The following PABPC1L variants were observed in gnomAD, a reference collection of about 807,000 sequenced individuals.
The protein encoded by PABPC1L is poly(A) binding protein cytoplasmic 1 like, also known as polyadenylate-binding protein 1-like.
A neutral mutation model predicts 66.6 loss-of-function variants in PABPC1L; 31 were observed. The observed-to-expected ratio is 0.47, with a 90% confidence interval of 0.35 to 0.63. PABPC1L has a LOEUF of 0.63. Ranked by LOEUF, PABPC1L falls within the 20% of genes least tolerant of loss-of-function variation. The pLI is 0.00. For synonymous variants in PABPC1L, 348 were observed against 335.1 expected, an observed-to-expected ratio of 1.04 and a Z score of -0.42; for missense variants, 722 against 848.8, an observed-to-expected ratio of 0.85 and a Z score of 1.86.
intron 10 of PABPC1L, among the ~76,000 whole-genome samples, chr20:44,934,716 A>G (rs2066887093): frequency 6.6e-6 from 1 of 152,200 alleles, no homozygotes; most frequent in African/African-American, 2.4e-5. Context: ...TTACTTATTC[A>G]TTCATCTATC....
At chr20:44,936,060 A>C (rs2066898478) in intron 11 of PABPC1L, among the ~76,000 whole-genome samples, 1 of 151,474 alleles carries the variant, frequency 6.6e-6, no homozygotes, top group Non-Finnish European at 1.5e-5. Flanking sequence ...GCAGCCTTGA[A>C]CTCCTAGGCT....
intron 5 of PABPC1L, among the ~76,000 whole-genome samples, chr20:44,919,689 T>G (rs1248250388): frequency 1.3e-5 from 2 of 152,156 alleles, no homozygotes; most frequent in Non-Finnish European, 2.9e-5. Context: ...CTGTCTCTAA[T>G]TTTTTAAAAA....
At chr20:44,918,708 C>T (rs1296551482) in intron 3 of PABPC1L, among the ~76,000 whole-genome samples, 198 bp from the exon 4 acceptor site, 1 of 152,192 alleles carries the variant, frequency 6.6e-6, no homozygotes, top group Non-Finnish European at 1.5e-5. Context: ...TGGGGACAAG[C>T]TCTGGAACAT....
chr20:44,910,411 C>T, intron 1 of PABPC1L, 75 bp downstream of exon 1: 1 of 1,400,828 alleles, frequency 7.1e-7, no homozygotes, highest in South Asian at 1.5e-5. Flanking sequence ...CGGAACTGGG[C>T]CGCTTGCGCT....
chr20:44,910,209 G>T lies in PABPC1L; in HGVS notation c.66G>T (p.Val22=). ...SLYVGDLHPD[V]TEAMLYEKFS... The stretch of plus-strand genomic sequence containing the variant: ...ACGTGGGCGATCTGCACCCCGACGT[G>T]ACCGAGGCCATGCTCTATGAGAAGT... Residue 22 remains valine, a synonymous_variant, in exon 1 of 15, where the codon GTG becomes GTT. Coordinates refer to ENST00000217073, the MANE Select transcript of PABPC1L (RefSeq NM_001372179.1). 2 of 1,580,232 alleles carry T rather than the reference G, an allele frequency of 1.3e-6. No individual in the cohort carries two copies. Among genetic ancestry groups the T allele is most frequent in the Non-Finnish European group, 1.7e-6 (2 of 1,163,376 alleles).
In PABPC1L at chr20:44,923,316, T is replaced by TTG. The variant is rs2066786722; in HGVS notation, c.877-842_877-841dup. 2.6e-5 allele frequency among the ~76,000 whole-genome samples: 4 copies of TTG among 152,076 alleles called. No homozygotes were observed. In the South Asian group the frequency reaches 8.3e-4, roughly 32 times the overall value. On this transcript the variant is annotated intron_variant, in intron 6 of 14. Coordinates refer to ENST00000217073, the MANE Select transcript of PABPC1L (RefSeq NM_001372179.1). The stretch of plus-strand genomic sequence containing the variant: ...TAAAAGTTTTCTTCACGCAGGGTTG[T>TTG]TGTGAGGATTAAAAATCAAAACGTG...
intron 5 of PABPC1L, among the ~76,000 whole-genome samples, chr20:44,920,629 C>T (rs150973196): frequency 0.021 from 3,184 of 150,234 alleles, 122 homozygotes; most frequent in African/African-American, 0.073. Flanking sequence ...CCACCATGCC[C>T]GGCTAATTTT....
At position 44,921,611 on chromosome 20, in the gene PABPC1L, C is replaced by T. The variant is rs368726192; in HGVS notation, c.756C>T (p.Asn252=). Residue 252 remains asparagine (N), a synonymous_variant, in exon 6 of 15, where the codon AAC becomes AAT. Transcript: ENST00000217073. ...TTCCCCAGGCCGTGGTCCATATGAA[C>T]GGGAAGGAGGTGAGCGGGCGGCTGC... ...EEAQKAVVHM[N]GKEVSGRLLY... The T allele has an allele frequency of 5.3e-5, 86 of 1,613,904 alleles. No homozygotes were observed. The highest frequency in any genetic ancestry group is 4.0e-4 in the East Asian group (18 of 44,824).
rs775395323 is a variant in PABPC1L, at chr20:44,930,443, T to G, written c.973-17T>G. 1.2e-6 allele frequency: 2 copies of G among 1,605,804 alleles called. No homozygotes were observed. Among genetic ancestry groups the G allele is most frequent in the African/African-American group, 2.7e-5 (2 of 74,810 alleles). The stretch of plus-strand genomic sequence containing the variant: ...TCCTTCCCCACCCCAGCAGCTCTTG[T>G]CTTGTCTTGCTTTTAGGTGATGACA... On this transcript the variant is annotated splice_polypyrimidine_tract_variant and intron_variant, in intron 7 of 14. Transcript: ENST00000217073.
At chr20:44,912,178 C>A (rs887347242) in intron 1 of PABPC1L, among the ~76,000 whole-genome samples, 1 of 152,104 alleles carries the variant, frequency 6.6e-6, no homozygotes, top group African/African-American at 2.4e-5. Context: ...AGGTAATGTC[C>A]ACTTTCCCCA....
At chr20:44,937,836 C>G (rs2066913124) in intron 12 of PABPC1L, 1 of 540,130 alleles carries the variant, frequency 1.9e-6, no homozygotes, top group Non-Finnish European at 3.1e-6. Context: ...GCACCCAGTC[C>G]TGGCTGGGCC....
At chr20:44,926,337 C>T (rs1396636769) in intron 7 of PABPC1L, among the ~76,000 whole-genome samples, 1 of 152,018 alleles carries the variant, frequency 6.6e-6, no homozygotes, top group Non-Finnish European at 1.5e-5. Flanking sequence ...AGTGATTCTT[C>T]TCCCTCAGCC....
intron 1 of PABPC1L, among the ~76,000 whole-genome samples, chr20:44,911,745 C>A (rs1685699670): frequency 1.3e-5 from 2 of 152,210 alleles, no homozygotes; most frequent in Admixed American, 1.3e-4. Context: ...TTCCCATCTT[C>A]CTCCAAGCCC....
chr20:44,932,127 C>G, intron 8 of PABPC1L: 1 of 392,032 alleles, frequency 2.6e-6, no homozygotes. Context: ...GACAGGGAGC[C>G]AAGATTGAAA....
At chr20:44,914,047 G>A (rs2066721990) in intron 2 of PABPC1L, among the ~76,000 whole-genome samples, 2 of 152,106 alleles carry the variant, frequency 1.3e-5, no homozygotes, top group South Asian at 4.1e-4. Context: ...AGGATCAGCG[G>A]CCATATAGCA....
chr20:44,932,235 C>A, intron 8 of PABPC1L, 107 bp from the exon 9 acceptor site: 1 of 770,336 alleles, frequency 1.3e-6, no homozygotes, highest in Non-Finnish European at 2.0e-6. Flanking sequence ...ACTCACCAGT[C>A]CCTGCAGGAG....
chr20:44,914,999 G>A (rs1307284305), intron 2 of PABPC1L, among the ~76,000 whole-genome samples: 4 of 152,206 alleles, frequency 2.6e-5, no homozygotes, highest in Non-Finnish European at 4.4e-5. Context: ...CCCTTAGCAG[G>A]TTCTTGACCC....
rs533336035 is a variant in PABPC1L, at chr20:44,919,694, T to A, written c.738+417T>A. On this transcript the variant is annotated intron_variant, in intron 5 of 14. Coordinates refer to ENST00000217073, the MANE Select transcript of PABPC1L (RefSeq NM_001372179.1). ...TAGCAAGACCCTGTCTCTAATTTTT[T>A]AAAAACTCTCCAGATGTGATGGCTC... Among the ~76,000 whole-genome samples the A allele has an allele frequency of 3.3e-5, 5 of 152,216 alleles. No homozygotes were observed. In the South Asian group the frequency reaches 1.0e-3, roughly 32 times the overall value.
Position 44,921,668 on chromosome 20 carries a change from G to A in PABPC1L, c.813G>A (p.Glu271=), listed in dbSNP as rs1199321346. ...CGGGCCGGGCCCAAAAGCGCGTGGA[G>A]CGGCAGAATGAACTGAAGCGCAGGT... ...LYAGRAQKRV[E]RQNELKRRFE... Residue 271 remains glutamate, a synonymous_variant, in exon 6 of 15, where the codon GAG becomes GAA. Coordinates refer to ENST00000217073, the MANE Select transcript of PABPC1L (RefSeq NM_001372179.1). The A allele has an allele frequency of 6.2e-7, 1 of 1,614,090 alleles. No individual in the cohort carries two copies. Among genetic ancestry groups the A allele is most frequent in the Non-Finnish European group, 8.5e-7 (1 of 1,180,020 alleles).
Sources: allele counts gnomAD v4.1 joint callset (sites outside exome capture counted in the v4.1 genomes callset), GRCh38; gene constraint gnomAD v4.1.1; transcripts MANE v1.5; gene names NCBI Gene and HGNC (gene_info 2026-07-23, HGNC 2026-07-21).